The following HHATL variants were observed in gnomAD, a reference collection of about 807,000 sequenced individuals.
HHATL encodes hedgehog acyltransferase like.
In HHATL, 49 loss-of-function variants were observed where a neutral mutation model predicts 59.7. That is an observed-to-expected ratio of 0.82 (90% CI 0.65 to 1.04). The LOEUF is 1.04. Among genes scored for constraint, HHATL ranks in the 50% least tolerant of loss-of-function variants. The pLI, the probability that HHATL is intolerant of heterozygous loss-of-function variation, is 0.00. For synonymous variants in HHATL, 238 were observed against 257.3 expected (o/e 0.93, Z 0.72); for missense variants, 605 against 650.8 (o/e 0.93, Z 0.77).
At chr3:42,693,887 C>G (rs1488279772) in intron 9 of HHATL, 69 bp from the exon 10 acceptor site, 2 of 1,306,458 alleles carry the variant, frequency 1.5e-6, no homozygotes, top group Non-Finnish European at 1.1e-6. Context: ...GGAGAGGACA[C>G]ACAACAGGGC....
intron 2 of HHATL, among the ~76,000 whole-genome samples, chr3:42,700,303 T>C (rs1329015972): frequency 6.6e-6 from 1 of 150,636 alleles, no homozygotes; most frequent in Non-Finnish European, 1.5e-5. Flanking sequence ...TGTGTGTGTG[T>C]GTTGGGGGGT....
At position 42,701,586 on chromosome 3, in the gene HHATL, G is replaced by A. The variant is rs973525047; in HGVS notation, c.-13-747C>T. 6.6e-6 allele frequency: 1 copy of A among 151,872 alleles called. No homozygotes were observed. Among genetic ancestry groups the A allele is most frequent in the South Asian group, 2.1e-4 (1 of 4,832 alleles). 9.4% of individuals were successfully genotyped at this position (151,872 alleles called of 1,614,324 possible). A position where few individuals can be genotyped will look rare whatever the true frequency, so the allele number is the denominator to read the frequency against. ...AGGAGTAGCGGATGTGGGGCCAGGC[G>A]GGGCCAGGCGGGGCCAGGGAGGGCA... On this transcript the variant is annotated intron_variant, in intron 1 of 11. Coordinates refer to ENST00000441594, the MANE Select transcript of HHATL (RefSeq NM_020707.4). This position sits in a 1 kb window ranked among gnomAD's most constrained non-coding sequence, Gnocchi z 5.1.
intron 6 of HHATL, 128 bp downstream of exon 6, chr3:42,698,014 G>T: frequency 2.0e-6 from 2 of 1,010,984 alleles, no homozygotes. Flanking sequence ...GGGAGACACG[G>T]CTTCATCCTG....
Position 42,697,685 on chromosome 3 carries a change from G to T in HHATL, c.694-6C>A. ...ACTGGCTCCACCTGGCTCACCTGGG[G>T]GGATGCGAAGGGTCTGAGGGAAGAG... On this transcript the variant is annotated splice_region_variant and splice_polypyrimidine_tract_variant and intron_variant, in intron 6 of 11. Coordinates refer to ENST00000441594, the MANE Select transcript of HHATL (RefSeq NM_020707.4). 6.2e-7 allele frequency: 1 copy of T among 1,611,908 alleles called. No homozygotes were observed.
chr3:42,698,688 A>G lies in HHATL; in HGVS notation c.483+20T>C. 1 of 1,536,734 alleles carries G rather than the reference A, an allele frequency of 6.5e-7. No individual in the cohort carries two copies. Among genetic ancestry groups the G allele is most frequent in the Non-Finnish European group, 8.7e-7 (1 of 1,146,914 alleles). On this transcript the variant is annotated intron_variant, in intron 5 of 11. Transcript: ENST00000441594. ...TTGGGATCTTATCCCTACACCCTCT[A>G]CCCCTGCACCAGTTCACACCTGCCA... is the stretch of plus-strand genomic sequence containing the variant.
Position 42,698,184 on chromosome 3 carries a change from G to T in HHATL, c.651C>A (p.Phe217Leu), listed in dbSNP as rs753246426. 4.6e-5 allele frequency: 75 copies of T among 1,614,098 alleles called. No homozygotes were observed. The highest frequency in any genetic ancestry group is 6.0e-5 in the Non-Finnish European group (71 of 1,180,040). The change falls in exon 6 of 12, where the codon TTC becomes TTA. Residue 217 changes from phenylalanine (F) to leucine (L), a missense_variant. Coordinates refer to ENST00000441594, the MANE Select transcript of HHATL (RefSeq NM_020707.4). ...CAAAGGTCATGATGGGCCCGAAGAAGAAGAAGGGCAGGTAGAAGTTGTACT... is the reference window on the plus strand; with the variant it reads ...CAAAGGTCATGATGGGCCCGAAGAATAAGAAGGGCAGGTAGAAGTTGTACT... ...LLKYNFYLPF[F>L]FFGPIMTFDR...
chr3:42,693,413 T>C (rs886895278), intron 10 of HHATL, 195 bp from the exon 11 acceptor site: 1 of 783,376 alleles, frequency 1.3e-6, no homozygotes. Context: ...CTGACCAACA[T>C]GGCAAGGCCC....
Position 42,693,826 on chromosome 3 carries a change from A to G in HHATL, c.1047-8T>C, listed in dbSNP as rs1229717923. On this transcript the variant is annotated splice_region_variant and splice_polypyrimidine_tract_variant and intron_variant, in intron 9 of 11. Coordinates refer to ENST00000441594, the MANE Select transcript of HHATL (RefSeq NM_020707.4). ...ATGTGGTTATACACATATCTGCAGG[A>G]AAGATGGGAGAAGGGCCACTGGGAG... 3 of 1,611,320 alleles carry G rather than the reference A, an allele frequency of 1.9e-6. No individual in the cohort carries two copies. The Admixed American group carries it at 5.0e-5, about 27-fold the overall frequency.
chr3:42,693,137 G>A lies in HHATL; in HGVS notation c.1330C>T (p.Leu444Phe). 1.2e-6 allele frequency: 2 copies of A among 1,614,226 alleles called. No homozygotes were observed. The highest frequency in any genetic ancestry group is 1.7e-6 in the Non-Finnish European group (2 of 1,180,032). The change falls in exon 11 of 12, where the codon CTT (leucine) becomes TTT (phenylalanine). Residue 444 changes from leucine (L) to phenylalanine (F), a missense_variant. Leu to Phe is a conservative substitution (Grantham distance 22). Coordinates refer to ENST00000441594, the MANE Select transcript of HHATL (RefSeq NM_020707.4). ...MNFWAIIMYN[L>F]VSLNSLKFTE... ...AATTTGAGGCTGTTCAGGCTCACAA[G>A]GTTGTACATGATGATGGCCCAGAAG...
chr3:42,700,970 C>T (rs989704335), intron 1 of HHATL, 131 bp from the exon 2 acceptor site: 10 of 628,202 alleles, frequency 1.6e-5, no homozygotes, highest in Non-Finnish European at 2.9e-5. Context: ...GACCTTGTAC[C>T]ATCACTCTGC....
In HHATL at chr3:42,701,122, A is replaced by G. The variant is rs1404663770; in HGVS notation, c.-13-283T>C. On this transcript the variant is annotated intron_variant, in intron 1 of 11. Transcript: ENST00000441594. The surrounding 1 kb of genome is among the most constrained non-coding windows in gnomAD (Gnocchi z 5.1). ...GCCTGCCTCCCTCACCTTCATTTAC[A>G]TCTTCATACCTTCCAGAGGCACCGG... 7.5e-6 allele frequency: 3 copies of G among 401,044 alleles called. No individual in the cohort carries two copies. The highest frequency in any genetic ancestry group is 8.6e-5 in the South Asian group (2 of 23,248). 24.8% of individuals were successfully genotyped at this position (401,044 alleles called of 1,614,324 possible).
chr3:42,697,206 A>C (rs1575235758), intron 7 of HHATL, 61 bp from the exon 8 acceptor site: 1 of 1,490,762 alleles, frequency 6.7e-7, no homozygotes, highest in East Asian at 2.3e-5. Context: ...CCCCATGAAG[A>C]CCCTGTCCCA....
chr3:42,699,766 G>A lies in HHATL; in HGVS notation c.166C>T (p.Arg56Trp), dbSNP rs780802322. ...SVRPGWEYIG[R>W]KMDVADFEWV... ...GGATGTGGGGGACCTACCATCTTCC[G>A]GCCAATGTACTCCCAGCCAGGTCGC... Residue 56 changes from arginine to tryptophan, a missense_variant, in exon 3 of 12, where the codon CGG (arginine) becomes TGG (tryptophan). By Grantham distance (101) the Arg-to-Trp change is moderately radical. Coordinates refer to ENST00000441594, the MANE Select transcript of HHATL (RefSeq NM_020707.4). The A allele has an allele frequency of 7.6e-6, 12 of 1,579,894 alleles. No individual in the cohort carries two copies. The highest frequency in any genetic ancestry group is 1.7e-4 in the Middle Eastern group (1 of 6,042).
intron 10 of HHATL, 157 bp from the exon 11 acceptor site, chr3:42,693,375 G>A (rs1697441131): frequency 1.0e-6 from 1 of 954,116 alleles, no homozygotes; most frequent in South Asian, 1.6e-5. Flanking sequence ...TTAAACATGG[G>A]GAAACAGGTC....
chr3:42,695,885 C>T (rs973241436), intron 9 of HHATL, among the ~76,000 whole-genome samples: 1 of 152,188 alleles, frequency 6.6e-6, no homozygotes, highest in Non-Finnish European at 1.5e-5. Context: ...TATCCTGCAT[C>T]CCCAGCTTCT....
At chr3:42,693,491 A>G in intron 10 of HHATL, 126 bp downstream of exon 10, 1 of 873,394 alleles carries the variant, frequency 1.1e-6, no homozygotes, top group Non-Finnish European at 1.8e-6. Flanking sequence ...TGCTCTGACA[A>G]CTAAGAGGGT....
rs779873818 is a variant in HHATL, at chr3:42,699,067, G to GCA, written c.251_252dup (p.Leu85CysfsTer27). ...ACCATCGTGCAGAGTTTAGCAAACA[G>GCA]CACATGTCCGGAGAGGGCAAAGATG... On this transcript the variant is annotated frameshift_variant, in exon 4 of 12. Transcript: ENST00000441594. LOFTEE classifies it high-confidence loss of function. The GCA allele has an allele frequency of 6.2e-7, 1 of 1,614,174 alleles. No individual in the cohort carries two copies. The highest frequency in any genetic ancestry group is 1.3e-5 in the African/African-American group (1 of 75,042).
Position 42,693,624 on chromosome 3 carries a change from C to A in HHATL, c.1241G>T (p.Arg414Leu), listed in dbSNP as rs765197293. ...CAGGTCTTCCCTGCTCACCTCAATT[C>A]GTGCTAGGGGCCCCCACTCTGCCAG... ...QKLAEWGPLA[R>L]IEASLSVQMS... Residue 414 changes from arginine to leucine, a missense_variant, in exon 10 of 12, where the codon CGA becomes CTA. By Grantham distance (102) the Arg-to-Leu change is moderately radical. Coordinates refer to ENST00000441594, the MANE Select transcript of HHATL (RefSeq NM_020707.4). 1.9e-6 allele frequency: 3 copies of A among 1,613,770 alleles called. No individual in the cohort carries two copies. The African/African-American group carries it at 4.0e-5, about 22-fold the overall frequency.
intron 6 of HHATL, among the ~76,000 whole-genome samples, chr3:42,697,933 G>A (rs1177271327): frequency 6.6e-6 from 1 of 152,178 alleles, no homozygotes; most frequent in Non-Finnish European, 1.5e-5. Context: ...TCTGAGAAAA[G>A]AGACATGTCT....
Sources: allele counts gnomAD v4.1 joint callset (sites outside exome capture counted in the v4.1 genomes callset), GRCh38; gene constraint gnomAD v4.1.1; non-coding constraint Gnocchi (gnomAD v3.1); transcripts MANE v1.5; gene names NCBI Gene and HGNC (gene_info 2026-07-23, HGNC 2026-07-21).